ZC3H12B: variants seen among roughly 807,000 people sequenced by gnomAD.
The protein encoded by ZC3H12B is probable ribonuclease ZC3H12B.
ZC3H12B carries 7 observed loss-of-function variants against 43.9 expected under a neutral mutation model. The observed-to-expected ratio is 0.16, with a 90% CI of 0.09 to 0.30. The LOEUF (loss-of-function observed/expected upper bound fraction) is 0.30, where lower values mean the gene tolerates loss of function less well. ZC3H12B is among the 10% of genes least tolerant of loss of function. The pLI, the probability that ZC3H12B is intolerant of heterozygous loss-of-function variation, is 1.00. For missense variants in ZC3H12B, 475 were observed against 670.2 expected, an observed-to-expected ratio of 0.71 and a Z score of 3.22; for synonymous variants, 222 against 241.7, an observed-to-expected ratio of 0.92 and a Z score of 0.76.
the ZC3H12B span, among the ~76,000 whole-genome samples, chrX:65,332,487 A>G: frequency 4.2e-4 from 47 of 112,117 alleles, no homozygotes; most frequent in Non-Finnish European, 7.1e-4. Flanking sequence ...CATCCAAAGT[A>G]AACTAAATAA....
chrX:65,298,539 G>T, the ZC3H12B span, among the ~76,000 whole-genome samples: 1 of 111,093 alleles, frequency 9.0e-6, no homozygotes, highest in Non-Finnish European at 1.9e-5. Flanking sequence ...AATATCGTAT[G>T]GAGGTTCCTC....
At chrX:65,069,496 A>G in the ZC3H12B span, among the ~76,000 whole-genome samples, 4 of 110,049 alleles carry the variant, frequency 3.6e-5, no homozygotes, top group Non-Finnish European at 7.6e-5. Context: ...ATCCTTAATT[A>G]TTTCAATCTC....
chrX:65,408,208 C>T (rs921277023), intron 3 of ZC3H12B: 38 of 1,193,828 alleles, frequency 3.2e-5, no homozygotes, highest in Middle Eastern at 3.2e-4. Context: ...AGTATCACAG[C>T]CTTAAATTGG....
chrX:65,039,241 C>T, the ZC3H12B span, among the ~76,000 whole-genome samples: 1 of 111,525 alleles, frequency 9.0e-6, no homozygotes, highest in Non-Finnish European at 1.9e-5. Flanking sequence ...TCGGAAAGTT[C>T]CCTTGTAGTC....
the ZC3H12B span, among the ~76,000 whole-genome samples, chrX:65,090,859 A>G: frequency 9.0e-6 from 1 of 111,243 alleles, no homozygotes; most frequent in Non-Finnish European, 1.9e-5. Flanking sequence ...TTTTAGCACT[A>G]TCCCTTTGTT....
At chrX:65,126,000 TATTA>T in the ZC3H12B span, among the ~76,000 whole-genome samples, 1 of 108,922 alleles carries the variant, frequency 9.2e-6, no homozygotes, top group East Asian at 2.9e-4. Context: ...GGTACTATTC[TATTA>T]ATTGTGCTAT....
At chrX:65,240,645 A>G in the ZC3H12B span, among the ~76,000 whole-genome samples, 1 of 111,272 alleles carries the variant, frequency 9.0e-6, no homozygotes, top group African/African-American at 3.3e-5. Context: ...GAGAAGAGGC[A>G]CTCTGGATTT....
chrX:65,453,818 G>C (rs1252139680), intron 3 of ZC3H12B, among the ~76,000 whole-genome samples: 1 of 111,579 alleles, frequency 9.0e-6, no homozygotes, highest in East Asian at 2.8e-4. Flanking sequence ...TTCAGTAATG[G>C]AAAACCAAAC....
intron 3 of ZC3H12B, among the ~76,000 whole-genome samples, chrX:65,455,673 T>G (rs974516500): frequency 2.7e-5 from 3 of 111,204 alleles, no homozygotes; most frequent in Non-Finnish European, 5.7e-5. Context: ...GACACATAAT[T>G]GTCAGATTCA....
chrX:65,368,097 G>T (rs2066196877), intron 1 of ZC3H12B, among the ~76,000 whole-genome samples: 1 of 112,152 alleles, frequency 8.9e-6, no homozygotes, highest in African/African-American at 3.2e-5. Flanking sequence ...GGTTATTAGT[G>T]TAACGATTAA....
At chrX:65,054,681 A>G in the ZC3H12B span, among the ~76,000 whole-genome samples, 13 of 111,455 alleles carry the variant, frequency 1.2e-4, no homozygotes, top group Non-Finnish European at 2.5e-4. Flanking sequence ...CTTGGGCAGT[A>G]TGGCCATTTT....
At chrX:65,167,233 A>T in the ZC3H12B span, among the ~76,000 whole-genome samples, 17 of 111,808 alleles carry the variant, frequency 1.5e-4, no homozygotes, top group East Asian at 4.8e-3. Context: ...GGTGTAAGGA[A>T]GGGATCCAGT....
the ZC3H12B span, among the ~76,000 whole-genome samples, chrX:65,217,217 A>G: frequency 8.9e-6 from 1 of 112,366 alleles, no homozygotes; most frequent in African/African-American, 3.2e-5. Flanking sequence ...AATCTGCATG[A>G]GTCGCAGTGT....
chrX:65,241,538 C>T, the ZC3H12B span, among the ~76,000 whole-genome samples: 1 of 111,921 alleles, frequency 8.9e-6, no homozygotes, highest in Non-Finnish European at 1.9e-5. Context: ...AGGGAGGTCG[C>T]CCCTGAGTGA....
the ZC3H12B span, among the ~76,000 whole-genome samples, chrX:65,055,928 G>A: frequency 2.7e-5 from 3 of 111,633 alleles, no homozygotes; most frequent in Non-Finnish European, 3.8e-5. Flanking sequence ...GGGATCAGTG[G>A]TGATATCCCC....
At chrX:65,389,416 G>T (rs2066579927) in intron 2 of ZC3H12B, among the ~76,000 whole-genome samples, 2 of 112,482 alleles carry the variant, frequency 1.8e-5, no homozygotes, top group African/African-American at 6.4e-5. Flanking sequence ...GGGCTCCATG[G>T]GCGTAGGACT....
the ZC3H12B span, among the ~76,000 whole-genome samples, chrX:65,211,704 A>G: frequency 1.1e-5 from 1 of 89,336 alleles, no homozygotes; most frequent in Non-Finnish European, 2.1e-5. Context: ...TATATAATAT[A>G]TAATATATAT....
chrX:65,347,526 C>T, the ZC3H12B span, among the ~76,000 whole-genome samples: 1 of 111,967 alleles, frequency 8.9e-6, no homozygotes, highest in Non-Finnish European at 1.9e-5. Context: ...CAAATCAAAA[C>T]CACAATGAGA....
the ZC3H12B span, among the ~76,000 whole-genome samples, chrX:65,192,100 G>A: frequency 1.0e-4 from 11 of 109,920 alleles, no homozygotes; most frequent in Non-Finnish European, 1.3e-4. Context: ...TTTCCATGTA[G>A]TTGAGCGGCT....
Sources: gnomAD v4.1 joint callset for allele counts (sites outside exome capture counted in the v4.1 genomes callset) on GRCh38, gnomAD v4.1.1 for gene constraint, MANE v1.5 for transcripts, NCBI Gene and HGNC (gene_info 2026-07-23, HGNC 2026-07-21) for gene names.